HTR2A: variants seen among roughly 807,000 people sequenced by gnomAD.
The protein encoded by HTR2A is 5-HT2 receptor.
Under a neutral mutation model 31.0 loss-of-function variants are expected in HTR2A, and 14 were observed. The observed-to-expected ratio is 0.45, with a 90% CI of 0.30 to 0.71. The LOEUF (loss-of-function observed/expected upper bound fraction) is 0.71. Ranked by LOEUF, HTR2A falls within the 30% of genes least tolerant of loss-of-function variation. The pLI is 0.09. For missense variants in HTR2A, 442 were observed against 573.3 expected (o/e 0.77, Z 2.34); for synonymous variants, 209 against 225.2 (o/e 0.93, Z 0.64).
rs1951110755 is a variant in HTR2A, at chr13:46,896,962, CT to C, written c.-618del. The C allele has an allele frequency of 2.7e-6, 2 of 740,024 alleles. No homozygotes were observed. Among genetic ancestry groups the C allele is most frequent in the Non-Finnish European group, 4.4e-6 (2 of 454,410 alleles). 45.8% of individuals were successfully genotyped at this position (740,024 alleles called of 1,614,324 possible). ...ACATTTAGAAATCATTCACGAGCCC[CT>C]CAAAGTCGCACAAAAGAACTGCATG... On this transcript the variant is annotated 5_prime_UTR_variant, in exon 1 of 4. The change abolishes the stop of an existing upstream ORF in the 5' untranslated region. Coordinates refer to ENST00000542664, the MANE Select transcript of HTR2A (RefSeq NM_000621.5).
At chr13:46,842,913 G>A (rs1950609821) in intron 3 of HTR2A, among the ~76,000 whole-genome samples, 1 of 152,116 alleles carries the variant, frequency 6.6e-6, no homozygotes, top group South Asian at 2.1e-4. Context: ...CGGTTACCCA[G>A]TCAACCACAG....
chr13:46,843,374 G>A (rs1950614933), intron 3 of HTR2A, among the ~76,000 whole-genome samples: 1 of 152,152 alleles, frequency 6.6e-6, no homozygotes, highest in African/African-American at 2.4e-5. Context: ...CTTGGAATGT[G>A]AGCCCCAAGG....
intron 3 of HTR2A, among the ~76,000 whole-genome samples, chr13:46,856,557 A>G (rs926090848): frequency 6.6e-6 from 1 of 152,106 alleles, no homozygotes; most frequent in Non-Finnish European, 1.5e-5. Flanking sequence ...AGTGAAAGTC[A>G]GCAAATCCTT....
chr13:46,873,427 TTTATTATTATTA>T (rs56356002), intron 3 of HTR2A, among the ~76,000 whole-genome samples: 46,720 of 144,710 alleles, frequency 0.32, 9,446 homozygotes, highest in East Asian at 0.64. Flanking sequence ...TAATATAAAA[TTTATTATTATTA>T]TTATTATTAT....
chr13:46,832,111 T>A lies in HTR2A; in HGVS notation c.*2726A>T, dbSNP rs565483580. ...TATATGTGGACCATTGTTTTCGCCA[T>A]CCTCATAGACTTGTCTTAAAGTTCT... is the stretch of plus-strand genomic sequence containing the variant. On this transcript the variant is annotated 3_prime_UTR_variant, in exon 4 of 4. Coordinates refer to ENST00000542664, the MANE Select transcript of HTR2A (RefSeq NM_000621.5). 6.6e-6 allele frequency: 1 copy of A among 152,370 alleles called. No homozygotes were observed. Among genetic ancestry groups the A allele is most frequent in the Admixed American group, 6.5e-5 (1 of 15,312 alleles). 9.4% of individuals were successfully genotyped at this position (152,370 alleles called of 1,614,324 possible).
intron 3 of HTR2A, among the ~76,000 whole-genome samples, chr13:46,866,941 C>T (rs1479420482): frequency 7.2e-5 from 11 of 152,100 alleles, no homozygotes; most frequent in Non-Finnish European, 1.3e-4. Context: ...GCAGGAGAAT[C>T]GCTTGACCTG....
intron 3 of HTR2A, among the ~76,000 whole-genome samples, chr13:46,843,455 C>A (rs1950615638): frequency 1.3e-5 from 2 of 152,098 alleles, no homozygotes; most frequent in African/African-American, 2.4e-5. Context: ...ACCTATAATA[C>A]CCTGGAGGGT....
chr13:46,896,164 CA>C lies in HTR2A; in HGVS notation c.-259del. The C allele has an allele frequency of 8.3e-7, 1 of 1,211,542 alleles. No individual in the cohort carries two copies. The highest frequency in any genetic ancestry group is 1.0e-6 in the Non-Finnish European group (1 of 975,458). 75.0% of individuals were successfully genotyped at this position (1,211,542 alleles called of 1,614,324 possible). A position where few individuals can be genotyped will look rare whatever the true frequency, so the allele number is the denominator to read the frequency against. On this transcript the variant is annotated 5_prime_UTR_variant, in exon 2 of 4. An upstream open reading frame in the 5' UTR gains an earlier in-frame stop. Coordinates refer to ENST00000542664, the MANE Select transcript of HTR2A (RefSeq NM_000621.5). ...TATTATTTTCTCACCAAACCGAGGA[CA>C]AAAAAGCAGAATGAACTTTTAGCAT...
chr13:46,883,685 AT>A (rs1366731157), intron 3 of HTR2A, among the ~76,000 whole-genome samples: 1 of 152,188 alleles, frequency 6.6e-6, no homozygotes, highest in African/African-American at 2.4e-5. Context: ...GGGTTTGCTC[AT>A]TTTATACGTT....
Position 46,857,096 on chromosome 13 carries a change from T to C in HTR2A, c.614-21457A>G, listed in dbSNP as rs199698802. The stretch of plus-strand genomic sequence containing the variant: ...GTGGGTGGATCATGAGGTCAAGAGA[T>C]AGAGACCATCCTGGCCAACTTGGTG... On this transcript the variant is annotated intron_variant, in intron 3 of 3. Coordinates refer to ENST00000542664, the MANE Select transcript of HTR2A (RefSeq NM_000621.5). Among the ~76,000 whole-genome samples, 20 of 152,086 alleles carry C rather than the reference T, an allele frequency of 1.3e-4. No homozygotes were observed. The East Asian group carries it at 2.7e-3, about 21-fold the overall frequency.
At chr13:46,892,821 G>A (rs1328281748) in intron 2 of HTR2A, among the ~76,000 whole-genome samples, 1 of 152,230 alleles carries the variant, frequency 6.6e-6, no homozygotes, top group African/African-American at 2.4e-5. Context: ...GGAGTTATGT[G>A]AGTGTGGCAC....
intron 3 of HTR2A, among the ~76,000 whole-genome samples, chr13:46,869,479 G>T (rs2138224961): frequency 1.3e-5 from 2 of 152,240 alleles, no homozygotes; most frequent in Middle Eastern, 6.8e-3. Context: ...GATGGCGGAA[G>T]TGTAAAATCA....
At chr13:46,878,926 G>C (rs1362334182) in intron 3 of HTR2A, among the ~76,000 whole-genome samples, 2 of 152,332 alleles carry the variant, frequency 1.3e-5, no homozygotes, top group South Asian at 4.2e-4. Context: ...CATTTTATTA[G>C]TGTTTTTTAA....
At chr13:46,872,112 A>C (rs1950867045) in intron 3 of HTR2A, among the ~76,000 whole-genome samples, 2 of 152,246 alleles carry the variant, frequency 1.3e-5, no homozygotes. Flanking sequence ...TGAAAACTAC[A>C]CTTAAATGTA....
At chr13:46,854,728 A>T (rs17069035) in intron 3 of HTR2A, among the ~76,000 whole-genome samples, 1 of 152,192 alleles carries the variant, frequency 6.6e-6, no homozygotes, top group South Asian at 2.1e-4. Context: ...TGATACCATA[A>T]TTAATATTTT....
chr13:46,876,081 C>A (rs61948331), intron 3 of HTR2A, among the ~76,000 whole-genome samples: 20,554 of 152,098 alleles, frequency 0.14, 1,652 homozygotes, highest in South Asian at 0.19. Flanking sequence ...TAAAAATATC[C>A]TTTAAAGAAC....
intron 3 of HTR2A, among the ~76,000 whole-genome samples, chr13:46,880,663 A>T (rs972490430): frequency 2.0e-5 from 3 of 151,816 alleles, no homozygotes; most frequent in African/African-American, 7.3e-5. Flanking sequence ...ACATGGTGAA[A>T]CCCCGTCTCC....
At chr13:46,863,426 C>T (rs1264182443) in intron 3 of HTR2A, among the ~76,000 whole-genome samples, 2 of 150,602 alleles carry the variant, frequency 1.3e-5, no homozygotes, top group East Asian at 3.9e-4. Flanking sequence ...AGTTCAAGAC[C>T]ACTCTGGGCA....
intron 3 of HTR2A, among the ~76,000 whole-genome samples, chr13:46,867,135 T>C (rs1248838286): frequency 3.3e-5 from 5 of 152,082 alleles, no homozygotes; most frequent in East Asian, 1.9e-4. Flanking sequence ...CACTGAGAAA[T>C]AGACATTTGG....
Sources: allele counts gnomAD v4.1 joint callset (sites outside exome capture counted in the v4.1 genomes callset), GRCh38; gene constraint gnomAD v4.1.1; transcripts MANE v1.5; gene names NCBI Gene and HGNC (gene_info 2026-07-23, HGNC 2026-07-21).